Variants in SPMIP2 observed in about 807,000 individuals in gnomAD.
SPMIP2 encodes protein SPMIP2.
chr4:158,948,128 T>A, the SPMIP2 span, among the ~76,000 whole-genome samples: 1 of 152,134 alleles, frequency 6.6e-6, no homozygotes, highest in South Asian at 2.1e-4. Context: ...CCTGTCTGAA[T>A]TGAAAGTTCC....
the SPMIP2 span, among the ~76,000 whole-genome samples, chr4:158,912,025 A>G: frequency 1.3e-5 from 2 of 152,320 alleles, no homozygotes; most frequent in East Asian, 1.9e-4. Context: ...GTATTATTGT[A>G]TGAAGGAAAT....
the SPMIP2 span, among the ~76,000 whole-genome samples, chr4:159,038,166 G>A: frequency 6.6e-6 from 1 of 152,188 alleles, no homozygotes; most frequent in African/African-American, 2.4e-5. Context: ...ATTACTAGAA[G>A]GGATAGTCCT....
At chr4:158,948,498 A>C in the SPMIP2 span, among the ~76,000 whole-genome samples, 3 of 151,436 alleles carry the variant, frequency 2.0e-5, no homozygotes, top group East Asian at 5.8e-4. Context: ...TTGATTACTG[A>C]TCCTCTGTAA....
chr4:159,071,368 G>A, the SPMIP2 span, among the ~76,000 whole-genome samples: 1 of 152,178 alleles, frequency 6.6e-6, no homozygotes, highest in African/African-American at 2.4e-5. Context: ...AAGTTGTCCA[G>A]AGTGAGCTTC....
At chr4:158,974,290 T>C in the SPMIP2 span, among the ~76,000 whole-genome samples, 12 of 152,078 alleles carry the variant, frequency 7.9e-5, no homozygotes, top group Non-Finnish European at 1.6e-4. Context: ...AGAGAAGGTC[T>C]GGGTAAAGAT....
At chr4:159,053,930 AAG>A in the SPMIP2 span, among the ~76,000 whole-genome samples, 1 of 151,818 alleles carries the variant, frequency 6.6e-6, no homozygotes, top group Non-Finnish European at 1.5e-5. Flanking sequence ...AAAAAAAAAA[AAG>A]AGAGAAAGAG....
the SPMIP2 span, among the ~76,000 whole-genome samples, chr4:159,064,095 C>T: frequency 6.6e-6 from 1 of 152,172 alleles, no homozygotes; most frequent in Non-Finnish European, 1.5e-5. Context: ...CCTGTAATCG[C>T]AGCTACTCAG....
chr4:159,069,257 C>A, the SPMIP2 span, among the ~76,000 whole-genome samples: 2 of 152,038 alleles, frequency 1.3e-5, no homozygotes, highest in Non-Finnish European at 2.9e-5. Context: ...GGGCCAAGAT[C>A]GTGCCACTGC....
the SPMIP2 span, among the ~76,000 whole-genome samples, chr4:159,011,028 A>T: frequency 1.3e-5 from 2 of 152,130 alleles, no homozygotes; most frequent in African/African-American, 4.8e-5. Flanking sequence ...TTTGTATAAA[A>T]TCCTGAGGAA....
At chr4:158,909,264 A>T in the SPMIP2 span, 1 of 152,090 alleles carries the variant, frequency 6.6e-6, no homozygotes, top group African/African-American at 2.4e-5. Context: ...ATACTGAGTT[A>T]TGTTATCTTA....
the SPMIP2 span, among the ~76,000 whole-genome samples, chr4:158,928,950 C>T: frequency 6.6e-6 from 1 of 152,190 alleles, no homozygotes; most frequent in African/African-American, 2.4e-5. Flanking sequence ...CGCATCAGAA[C>T]ATCAGAAGGA....
At chr4:159,006,549 A>G in the SPMIP2 span, among the ~76,000 whole-genome samples, 1 of 152,190 alleles carries the variant, frequency 6.6e-6, no homozygotes, top group Non-Finnish European at 1.5e-5. Flanking sequence ...GCTGACAGCC[A>G]AGTTTCCAAG....
the SPMIP2 span, among the ~76,000 whole-genome samples, chr4:158,952,561 A>G: frequency 0.015 from 2,307 of 152,310 alleles, 66 homozygotes; most frequent in African/African-American, 0.053. Context: ...AATACAGTCA[A>G]TTGGTACCAG....
chr4:158,910,852 A>C, the SPMIP2 span, among the ~76,000 whole-genome samples: 2 of 152,294 alleles, frequency 1.3e-5, no homozygotes, highest in East Asian at 3.9e-4. Flanking sequence ...TCCTAAAAAT[A>C]AACACCCCTC....
chr4:159,068,338 T>G, the SPMIP2 span, among the ~76,000 whole-genome samples: 2 of 152,182 alleles, frequency 1.3e-5, no homozygotes, highest in African/African-American at 4.8e-5. Context: ...CCGTAAAAAA[T>G]GATGAGTTCA....
the SPMIP2 span, among the ~76,000 whole-genome samples, chr4:158,921,884 C>CTT: frequency 3.3e-5 from 3 of 91,320 alleles, no homozygotes; most frequent in Non-Finnish European, 4.5e-5. Flanking sequence ...CTTCTACATA[C>CTT]TTTTTTTTTT....
At chr4:158,973,427 G>T in the SPMIP2 span, 1 of 585,228 alleles carries the variant, frequency 1.7e-6, no homozygotes, top group Non-Finnish European at 2.9e-6. Context: ...CTACGTTCTA[G>T]GTTCTATTAT....
At chr4:159,056,337 G>T in the SPMIP2 span, among the ~76,000 whole-genome samples, 3 of 151,772 alleles carry the variant, frequency 2.0e-5, no homozygotes, top group Admixed American at 2.0e-4. Context: ...CTGTTTGGAG[G>T]GTAGGGGAAG....
the SPMIP2 span, among the ~76,000 whole-genome samples, chr4:158,980,955 T>C: frequency 0.63 from 96,132 of 151,900 alleles, 30,733 homozygotes; most frequent in Middle Eastern, 0.71. Context: ...GGAAGAACCT[T>C]GAAAAAAGGT....
Sources: gnomAD v4.1 joint callset for allele counts (sites outside exome capture counted in the v4.1 genomes callset) on GRCh38, gnomAD v4.1.1 for gene constraint, MANE v1.5 for transcripts, NCBI Gene and HGNC (gene_info 2026-07-23, HGNC 2026-07-21) for gene names.